Variants in HNF4A observed in about 807,000 individuals in gnomAD.
HNF4A encodes hepatocyte nuclear factor 4-alpha.
Under a neutral mutation model 52.4 loss-of-function variants are expected in HNF4A, and 15 were observed. The observed-to-expected ratio is 0.29, with a 90% CI of 0.19 to 0.44. The LOEUF (loss-of-function observed/expected upper bound fraction) is 0.44. HNF4A is among the 20% of genes least tolerant of loss of function. The probability of loss-of-function intolerance (pLI) is 1.00; values close to 1 mark genes in which losing one functional copy is unlikely to be tolerated. For synonymous variants in HNF4A, 280 were observed against 264.4 expected (o/e 1.06, Z -0.57); for missense variants, 479 against 647.2 (o/e 0.74, Z 2.82).
At chr20:44,400,149 C>G (rs1242921096), upstream of HNF4A, among the ~76,000 whole-genome samples, 1 of 152,184 alleles carries the variant, frequency 6.6e-6, no homozygotes, top group African/African-American at 2.4e-5. Context: ...AACAAAAATG[C>G]ACAATCCCTT....
intron 3 of HNF4A, among the ~76,000 whole-genome samples, chr20:44,413,434 G>A (rs935072044): frequency 1.3e-5 from 2 of 152,050 alleles, no homozygotes; most frequent in Non-Finnish European, 1.5e-5. Context: ...ACCCATAGCC[G>A]AGTCTTCACT....
At chr20:44,428,098 C>T (rs1340926376) in intron 8 of HNF4A, among the ~76,000 whole-genome samples, 1 of 152,192 alleles carries the variant, frequency 6.6e-6, no homozygotes, top group Non-Finnish European at 1.5e-5. Context: ...TTATATGCAC[C>T]TTGTTCCTTT....
At chr20:44,359,751 C>A (rs779502405) in intron 1 of HNF4A, among the ~76,000 whole-genome samples, 9 of 152,094 alleles carry the variant, frequency 5.9e-5, no homozygotes, top group Non-Finnish European at 1.2e-4. Context: ...CTCCAGAAAG[C>A]CAAATGTACC....
At position 44,424,033 on chromosome 20, in the gene HNF4A, G is replaced by A; in HGVS notation, c.908G>A (p.Ser303Asn). 6.2e-7 allele frequency: 1 copy of A among 1,613,144 alleles called. No individual in the cohort carries two copies. Among genetic ancestry groups the A allele is most frequent in the Non-Finnish European group, 8.5e-7 (1 of 1,179,980 alleles). The change falls in exon 8 of 10, where the codon AGC becomes AAC. Residue 303 changes from serine to asparagine, a missense_variant. By Grantham distance (46) the Ser-to-Asn change is conservative. Coordinates refer to ENST00000316099, the MANE Select transcript of HNF4A (RefSeq NM_000457.6). ...TCCATTGTAGATGCCAAGGGGCTGA[G>A]CGATCCAGGGAAGATCAAGCGGCTG...
intron 7 of HNF4A, 32 bp from the exon 8 acceptor site, chr20:44,423,986 T>C (rs1409685081): frequency 1.9e-6 from 3 of 1,609,150 alleles, no homozygotes; most frequent in East Asian, 4.5e-5. Context: ...TGGACCCTGC[T>C]GCCCTCCCTT....
chr20:44,369,708 C>T (rs4514944), intron 1 of HNF4A, among the ~76,000 whole-genome samples: 335 of 152,204 alleles, frequency 2.2e-3, no homozygotes, highest in African/African-American at 7.9e-3. Flanking sequence ...ACTCTGTCAT[C>T]CAGGCTAGAG....
At chr20:44,432,853 G>T (rs1037631807), downstream of HNF4A, 1 of 152,156 alleles carries the variant, frequency 6.6e-6, no homozygotes, top group African/African-American at 2.4e-5. Flanking sequence ...TAAGTCCTTG[G>T]ATAAGTATCT....
Position 44,428,374 on chromosome 20 carries a change from A to T in HNF4A, c.1169A>T (p.His390Leu). ...GCACCCCATGCCCACCACCCCCTGC[A>T]CCCTCACCTGATGCAGGAACATATG... Residue 390 changes from histidine (H) to leucine (L), a missense_variant, in exon 9 of 10, where the codon CAC becomes CTC. By Grantham distance (99) the His-to-Leu change is moderately conservative (BLOSUM62 -3). This residue lies in a region of HNF4A where 389 missense variants were observed against 525.1 expected (regional missense o/e 0.74). Coordinates refer to ENST00000316099, the MANE Select transcript of HNF4A (RefSeq NM_000457.6). 1 of 1,613,978 alleles carries T rather than the reference A, an allele frequency of 6.2e-7. No homozygotes were observed. Among genetic ancestry groups the T allele is most frequent in the Non-Finnish European group, 8.5e-7 (1 of 1,179,980 alleles).
intron 3 of HNF4A, among the ~76,000 whole-genome samples, chr20:44,411,832 G>A (rs570335269): frequency 6.6e-6 from 1 of 151,718 alleles, no homozygotes; most frequent in African/African-American, 2.4e-5. Flanking sequence ...AGGCTGAGTG[G>A]ATCACTTAAA....
intron 1 of HNF4A, among the ~76,000 whole-genome samples, chr20:44,362,418 TAAAAAAAAAAAA>T (rs36103037): frequency 9.6e-6 from 1 of 104,178 alleles, no homozygotes; most frequent in African/African-American, 3.8e-5. Flanking sequence ...AAACTTGTCT[TAAAAAAAAAAAA>T]AAAAAAAAAA....
intron 1 of HNF4A, among the ~76,000 whole-genome samples, chr20:44,403,493 T>C (rs980796694): frequency 2.0e-5 from 3 of 152,200 alleles, no homozygotes; most frequent in Admixed American, 2.0e-4. Flanking sequence ...GGTCCCCACA[T>C]TCCTCACTGG....
At chr20:44,384,787 A>G (rs2063199006) in intron 1 of HNF4A, 1 of 152,168 alleles carries the variant, frequency 6.6e-6, no homozygotes, top group Admixed American at 6.5e-5. Flanking sequence ...CAGAGAGACT[A>G]TAAGTAAGGG....
At chr20:44,399,603 G>T (rs138433757), upstream of HNF4A, among the ~76,000 whole-genome samples, 3 of 152,220 alleles carry the variant, frequency 2.0e-5, no homozygotes, top group South Asian at 4.2e-4. Context: ...CCTGACTCCC[G>T]ATTTGCTCAC....
intron 1 of HNF4A, among the ~76,000 whole-genome samples, chr20:44,403,953 G>A (rs2063446611): frequency 6.6e-6 from 1 of 152,128 alleles, no homozygotes; most frequent in Non-Finnish European, 1.5e-5. Flanking sequence ...CCGGGGGTCG[G>A]GGGAGGAGAG....
chr20:44,423,580 C>A (rs2063776726), intron 7 of HNF4A, among the ~76,000 whole-genome samples: 1 of 152,326 alleles, frequency 6.6e-6, no homozygotes, highest in African/African-American at 2.4e-5. Flanking sequence ...ACAGTAGAAG[C>A]AGCAACTGCT....
intron 1 of HNF4A, among the ~76,000 whole-genome samples, chr20:44,382,445 G>C (rs1170556056): frequency 2.0e-5 from 3 of 151,904 alleles, no homozygotes; most frequent in African/African-American, 4.8e-5. Context: ...CACCATGTTG[G>C]CCAACATGAT....
rs377052026 is a variant in HNF4A, at chr20:44,429,590, G to A, written c.1350G>A (p.Pro450=). The A allele has an allele frequency of 3.3e-5, 53 of 1,613,890 alleles. No individual in the cohort carries two copies. Among genetic ancestry groups the A allele is most frequent in the Admixed American group, 6.7e-5 (4 of 60,002 alleles). ...GGTCTGAGCCCTATAAGCTCCTGCC[G>A]GGAGCCGTCGCCACAATCGTCAAGC... Residue 450 remains proline (P), a synonymous_variant, in exon 10 of 10, where the codon CCG becomes CCA. Coordinates refer to ENST00000316099, the MANE Select transcript of HNF4A (RefSeq NM_000457.6).
rs1178289777 is a variant in HNF4A, at chr20:44,414,725, G to A, written c.648+63G>A. The A allele has an allele frequency of 2.7e-6, 4 of 1,480,650 alleles. No homozygotes were observed. In the South Asian group the frequency reaches 4.8e-5, roughly 18 times the overall value. 91.7% of individuals were successfully genotyped at this position (1,480,650 alleles called of 1,614,324 possible). A position where few individuals can be genotyped will look rare whatever the true frequency, so the allele number is the denominator to read the frequency against. ...TGGGCGGGGCAGCCAGGGGGCTGCT[G>A]GCCCACCTGGGATATAGCCGTGGAC... is the stretch of plus-strand genomic sequence containing the variant. On this transcript the variant is annotated intron_variant, in intron 5 of 9. Transcript: ENST00000316099.
At chr20:44,385,435 G>T (rs1486016022) in intron 1 of HNF4A, among the ~76,000 whole-genome samples, 1 of 151,922 alleles carries the variant, frequency 6.6e-6, no homozygotes, top group Non-Finnish European at 1.5e-5. Flanking sequence ...AACATAGCAA[G>T]ACACCTCCCC....
Sources: allele counts gnomAD v4.1 joint callset (sites outside exome capture counted in the v4.1 genomes callset), GRCh38; gene constraint gnomAD v4.1.1; regional missense constraint gnomAD v4.1.1; transcripts MANE v1.5; gene names NCBI Gene and HGNC (gene_info 2026-07-23, HGNC 2026-07-21).